The following SPDYE5 variants were observed in gnomAD, a reference collection of about 807,000 sequenced individuals.
The protein encoded by SPDYE5 is speedy/RINGO cell cycle regulator family member E5.
In SPDYE5, 15 loss-of-function variants were observed where a neutral mutation model predicts 48.5. The ratio of observed to expected loss-of-function variants is 0.31; its 90% CI spans 0.21 to 0.48. SPDYE5 has a LOEUF of 0.48. Among genes scored for constraint, SPDYE5 ranks in the 20% least tolerant of loss-of-function variants. SPDYE5 has a pLI of 0.99. For synonymous variants in SPDYE5, 116 were observed against 200.7 expected, an observed-to-expected ratio of 0.58 and a Z score of 3.57; for missense variants, 331 against 549.1, an observed-to-expected ratio of 0.60 and a Z score of 3.97.
intron 1 of SPDYE5, 77 bp from the exon 2 acceptor site, chr7:75,493,550 A>G (rs1471062166): frequency 1.3e-6 from 1 of 789,668 alleles, no homozygotes; most frequent in Non-Finnish European, 1.6e-6. Context: ...CTTGTACATG[A>G]TAATCTCACT....
chr7:75,493,066 T>C (rs1231918405), intron 1 of SPDYE5, among the ~76,000 whole-genome samples: 19 of 152,166 alleles, frequency 1.2e-4, no homozygotes, highest in Non-Finnish European at 2.5e-4. Flanking sequence ...CCACCCAAAG[T>C]GCTGGGATTA....
chr7:75,492,233 C>T (rs782539734), upstream of SPDYE5, among the ~76,000 whole-genome samples: 10 of 152,184 alleles, frequency 6.6e-5, no homozygotes, highest in Middle Eastern at 3.4e-3. Flanking sequence ...AGAGAGCAAA[C>T]GATTTTGTTG....
chr7:75,492,293 T>C (rs587700998), upstream of SPDYE5, among the ~76,000 whole-genome samples: 1 of 152,268 alleles, frequency 6.6e-6, no homozygotes, highest in South Asian at 2.1e-4. Context: ...GAATGCGAAT[T>C]TGAACTCCAG....
intron 2 of SPDYE5, 95 bp downstream of exon 2, chr7:75,494,302 T>G: frequency 6.7e-7 from 1 of 1,488,814 alleles, no homozygotes; most frequent in Non-Finnish European, 8.9e-7. Flanking sequence ...CCCCAGCACT[T>G]TGGGAGGCCG....
At position 75,503,765 on chromosome 7, in the gene SPDYE5, TTAAA is replaced by T. The variant is rs1260080106; in HGVS notation, c.*981_*984del. 1 of 149,468 alleles carries T rather than the reference TTAAA, an allele frequency of 6.7e-6. No homozygotes were observed. The highest frequency in any genetic ancestry group is 1.9e-4 in the East Asian group (1 of 5,172). The allele number at this position is 149,468 out of a possible 1,614,324, so 9.3% of individuals were successfully genotyped here. A position where few individuals can be genotyped will look rare whatever the true frequency, so the allele number is the denominator to read the frequency against. On this transcript the variant is annotated 3_prime_UTR_variant, in exon 9 of 9. Coordinates refer to ENST00000625065, the MANE Select transcript of SPDYE5 (RefSeq NM_001306141.4). Reference sequence around the variant, plus strand: ...TTGAAAAACATGGGTATAGAATTATTTAAATATTATTTTATTTATTGAAATATTT... The same window carrying T: ...TTGAAAAACATGGGTATAGAATTATTTATTATTTTATTTATTGAAATATTT...
rs1158874001 is a variant in SPDYE5, at chr7:75,494,257, G to A, written c.160+50G>A. 10 of 1,530,564 alleles carry A rather than the reference G, an allele frequency of 6.5e-6. No homozygotes were observed. In the South Asian group the frequency reaches 9.6e-5, roughly 15 times the overall value. The allele number at this position is 1,530,564 out of a possible 1,614,324, so 94.8% of individuals were successfully genotyped here. ...GTGGGATAGGATTGACTAAGACGAA[G>A]GAAGGGGGCCAGGTGCGGTGGCTCA... On this transcript the variant is annotated intron_variant, in intron 2 of 8. Transcript: ENST00000625065.
intron 6 of SPDYE5, among the ~76,000 whole-genome samples, chr7:75,500,727 G>A (rs1173022321): frequency 6.6e-6 from 1 of 152,102 alleles, no homozygotes; most frequent in Non-Finnish European, 1.5e-5. Context: ...TTTGATTATT[G>A]AGATAGAGTC....
At chr7:75,498,199 A>G (rs1401633479) in intron 5 of SPDYE5, among the ~76,000 whole-genome samples, 1 of 135,526 alleles carries the variant, frequency 7.4e-6, no homozygotes, top group African/African-American at 2.9e-5. Context: ...ATCTTGACTC[A>G]CTGCAGCCGA....
chr7:75,498,903 T>G (rs1793041167), intron 5 of SPDYE5, among the ~76,000 whole-genome samples: 1 of 151,706 alleles, frequency 6.6e-6, no homozygotes, highest in African/African-American at 2.4e-5. Flanking sequence ...TCCTGGCCCC[T>G]CTACTCTCAG....
intron 8 of SPDYE5, among the ~76,000 whole-genome samples, chr7:75,502,297 C>T (rs1793188281): frequency 6.8e-6 from 1 of 147,652 alleles, no homozygotes; most frequent in Admixed American, 6.8e-5. Context: ...GGGGGAGGTT[C>T]ATTATGATTG....
chr7:75,492,142 A>C (rs201140972), upstream of SPDYE5, among the ~76,000 whole-genome samples: 1,071 of 151,780 alleles, frequency 7.1e-3, 36 homozygotes, highest in East Asian at 0.075. Context: ...TAAATCAGAG[A>C]TTTTCATTCC....
chr7:75,502,760 C>T (rs1793201065), intron 8 of SPDYE5, 73 bp from the exon 9 acceptor site: 5 of 1,038,186 alleles, frequency 4.8e-6, no homozygotes, highest in Admixed American at 4.2e-5. Flanking sequence ...CTAGACTTGA[C>T]ATGGGACGTG....
chr7:75,495,566 T>C (rs587754289), intron 3 of SPDYE5, among the ~76,000 whole-genome samples, 192 bp downstream of exon 3: 4,025 of 152,176 alleles, frequency 0.026, 36 homozygotes, highest in African/African-American at 0.092. Flanking sequence ...TTGATAAAGG[T>C]TGGCGCTTGG....
At chr7:75,499,824 C>A in intron 6 of SPDYE5, among the ~76,000 whole-genome samples, 2 of 88,356 alleles carry the variant, frequency 2.3e-5, no homozygotes, top group Non-Finnish European at 4.7e-5. Context: ...TGCCAGTGTA[C>A]AAATAAAAGA....
rs1345255435 is a variant in SPDYE5, at chr7:75,503,769, ATAT to A, written c.*987_*989del. On this transcript the variant is annotated 3_prime_UTR_variant, in exon 9 of 9. Transcript: ENST00000625065. ...AAAACATGGGTATAGAATTATTTAA[ATAT>A]TATTTTATTTATTGAAATATTTATT... 1.6e-4 allele frequency: 24 copies of A among 149,470 alleles called. No individual in the cohort carries two copies. The highest frequency in any genetic ancestry group is 1.5e-3 in the South Asian group (7 of 4,802). The allele number at this position is 149,470 out of a possible 1,614,324, so 9.3% of individuals were successfully genotyped here. A position where few individuals can be genotyped will look rare whatever the true frequency, so the allele number is the denominator to read the frequency against.
chr7:75,496,664 C>G lies in SPDYE5; in HGVS notation c.380-10C>G. On this transcript the variant is annotated splice_polypyrimidine_tract_variant and intron_variant, in intron 3 of 8. Coordinates refer to ENST00000625065, the MANE Select transcript of SPDYE5 (RefSeq NM_001306141.4). Reference sequence around the variant, plus strand: ...GAAGCATTACACCATGGCCTGGTTTCTTTACTCAGCCCCTGGGGTAGATCC... The same window carrying G: ...GAAGCATTACACCATGGCCTGGTTTGTTTACTCAGCCCCTGGGGTAGATCC... 1 of 1,597,488 alleles carries G rather than the reference C, an allele frequency of 6.3e-7. No individual in the cohort carries two copies. Among genetic ancestry groups the G allele is most frequent in the Non-Finnish European group, 8.5e-7 (1 of 1,179,858 alleles).
intron 1 of SPDYE5, among the ~76,000 whole-genome samples, 58 bp downstream of exon 1, chr7:75,492,499 T>C (rs1427363503): frequency 6.6e-6 from 1 of 152,100 alleles, no homozygotes; most frequent in African/African-American, 2.4e-5. Context: ...AGCACAATGG[T>C]GCGATCTTGG....
At chr7:75,499,766 CAAA>C (rs1207603153) in intron 6 of SPDYE5, among the ~76,000 whole-genome samples, 1 of 17,898 alleles carries the variant, frequency 5.6e-5, no homozygotes, top group Non-Finnish European at 9.3e-5. Flanking sequence ...GACTTTTTCT[CAAA>C]AAAAAAAAAA....
intron 6 of SPDYE5, among the ~76,000 whole-genome samples, chr7:75,501,004 G>A (rs1345841217): frequency 1.3e-5 from 2 of 152,116 alleles, no homozygotes; most frequent in African/African-American, 4.8e-5. Flanking sequence ...CACCGCGTCT[G>A]GCATATTTCT....
Sources: gnomAD v4.1 joint callset for allele counts (sites outside exome capture counted in the v4.1 genomes callset) on GRCh38, gnomAD v4.1.1 for gene constraint, MANE v1.5 for transcripts, NCBI Gene and HGNC (gene_info 2026-07-23, HGNC 2026-07-21) for gene names.